The following KCND3 variants were observed in gnomAD, a reference collection of about 807,000 sequenced individuals.
KCND3 encodes potassium voltage-gated channel subfamily D member 3.
In KCND3, 9 loss-of-function variants were observed where a neutral mutation model predicts 51.1. That is an observed-to-expected ratio of 0.18 (90% confidence interval 0.11 to 0.31). The LOEUF is 0.31. Among genes scored for constraint, KCND3 ranks in the 10% least tolerant of loss-of-function variants. The pLI, the probability that KCND3 is intolerant of heterozygous loss-of-function variation, is 1.00. For synonymous variants in KCND3, 349 were observed against 368.0 expected, an observed-to-expected ratio of 0.95 and a Z score of 0.59; for missense variants, 526 against 903.8, an observed-to-expected ratio of 0.58 and a Z score of 5.36.
intron 2 of KCND3, among the ~76,000 whole-genome samples, chr1:111,959,880 T>C (rs72977012): frequency 0.019 from 2,820 of 152,144 alleles, 80 homozygotes; most frequent in African/African-American, 0.064. Flanking sequence ...CCATATGTTG[T>C]GAGAGCGACC....
At chr1:111,906,294 G>A (rs553733079) in intron 2 of KCND3, among the ~76,000 whole-genome samples, 13 of 152,218 alleles carry the variant, frequency 8.5e-5, no homozygotes, top group East Asian at 5.8e-4. Context: ...CTATGAACAC[G>A]CCCGAACATC....
intron 2 of KCND3, among the ~76,000 whole-genome samples, chr1:111,897,944 C>T (rs1352618030): frequency 6.6e-6 from 1 of 152,210 alleles, no homozygotes; most frequent in Non-Finnish European, 1.5e-5. Flanking sequence ...CGGTTTCTTA[C>T]CTCCAAGTAC....
intron 2 of KCND3, among the ~76,000 whole-genome samples, chr1:111,852,763 G>A (rs985078292): frequency 7.2e-5 from 11 of 152,200 alleles, no homozygotes; most frequent in African/African-American, 2.4e-4. Flanking sequence ...TCAATCCAGT[G>A]TAATTACAAT....
intron 2 of KCND3, among the ~76,000 whole-genome samples, chr1:111,837,951 G>A (rs1289191647): frequency 6.6e-6 from 1 of 152,076 alleles, no homozygotes; most frequent in Non-Finnish European, 1.5e-5. Context: ...GTTTTGGGGG[G>A]AGACCACAGA....
At chr1:111,873,398 G>GA (rs1160093373) in intron 2 of KCND3, among the ~76,000 whole-genome samples, 1 of 152,198 alleles carries the variant, frequency 6.6e-6, no homozygotes, top group Non-Finnish European at 1.5e-5. Context: ...ATGTGGTATG[G>GA]AGGCACCTGT....
At chr1:111,943,283 C>A (rs1329675566) in intron 2 of KCND3, among the ~76,000 whole-genome samples, 1 of 152,202 alleles carries the variant, frequency 6.6e-6, no homozygotes, top group African/African-American at 2.4e-5. Context: ...GGGGCCCTGG[C>A]CCCCACCTGT....
At chr1:111,869,904 A>AAC (rs35756898) in intron 2 of KCND3, among the ~76,000 whole-genome samples, 108,364 of 151,082 alleles carry the variant, frequency 0.72, 40,008 homozygotes, top group Middle Eastern at 0.86. Flanking sequence ...CAAAAGAATG[A>AAC]ACACACACAC....
intron 2 of KCND3, among the ~76,000 whole-genome samples, chr1:111,832,682 CG>C (rs200832520): frequency 1.5e-3 from 228 of 152,226 alleles, no homozygotes; most frequent in African/African-American, 5.2e-3. Flanking sequence ...TGTGTGTCCC[CG>C]CTCCCCACCC....
chr1:111,831,095 T>G (rs1286708381), intron 2 of KCND3, among the ~76,000 whole-genome samples: 1 of 152,238 alleles, frequency 6.6e-6, no homozygotes, highest in Admixed American at 6.5e-5. Flanking sequence ...CACACTTGCT[T>G]TCCTCTGACA....
rs556613723 is a variant in KCND3 at position 111,948,475 on chromosome 1, C to T, written c.1106+33146G>A. On this transcript the variant is annotated intron_variant, in intron 2 of 7. Transcript: ENST00000302127. ...GCCCACACTTAAGGATAGAATTTAT[C>T]TCTTCCCTTCCCCACAGCATAGGGC... 2.0e-4 allele frequency among the ~76,000 whole-genome samples: 31 copies of T among 152,346 alleles called. 1 individual carries two copies. The South Asian group carries it at 6.4e-3, about 32-fold the overall frequency.
chr1:111,819,951 C>G (rs1261085789), intron 2 of KCND3, among the ~76,000 whole-genome samples: 2 of 152,180 alleles, frequency 1.3e-5, no homozygotes, highest in Non-Finnish European at 2.9e-5. Flanking sequence ...CCTCCCTGCC[C>G]CGGAGGTTGC....
intron 2 of KCND3, among the ~76,000 whole-genome samples, chr1:111,829,999 G>T (rs1457185625): frequency 6.6e-6 from 1 of 152,108 alleles, no homozygotes; most frequent in African/African-American, 2.4e-5. Flanking sequence ...CTCTTCGGTG[G>T]CTATTGTTCC....
Position 111,940,019 on chromosome 1 carries a change from T to C in KCND3, c.1106+41602A>G, listed in dbSNP as rs569572170. Among the ~76,000 whole-genome samples the C allele has an allele frequency of 2.6e-5, 4 of 151,592 alleles. No individual in the cohort carries two copies. The South Asian group carries it at 6.2e-4, about 24-fold the overall frequency. On this transcript the variant is annotated intron_variant, in intron 2 of 7. Transcript: ENST00000302127. ...TTCTTTCATATGTTTGTTGGCCGAA[T>C]AAATATCTTCTTTTGAGAAGTGTCT...
At chr1:111,846,164 A>G (rs2101652387) in intron 2 of KCND3, among the ~76,000 whole-genome samples, 1 of 152,312 alleles carries the variant, frequency 6.6e-6, no homozygotes, top group East Asian at 1.9e-4. Context: ...ACTATTTATA[A>G]TTAAGCTTGG....
At chr1:111,984,953 C>T (rs892716347) in intron 1 of KCND3, among the ~76,000 whole-genome samples, 5 of 152,162 alleles carry the variant, frequency 3.3e-5, no homozygotes, top group African/African-American at 4.8e-5. Flanking sequence ...CCTATCACCC[C>T]GCAGCTAGGA....
chr1:111,865,698 A>T (rs1668527255), intron 2 of KCND3, among the ~76,000 whole-genome samples: 1 of 152,026 alleles, frequency 6.6e-6, no homozygotes, highest in African/African-American at 2.4e-5. Flanking sequence ...CCTTAAAGAC[A>T]TTTATGTTTT....
At chr1:111,972,483 A>G (rs1674397439) in intron 2 of KCND3, among the ~76,000 whole-genome samples, 1 of 152,140 alleles carries the variant, frequency 6.6e-6, no homozygotes, top group East Asian at 1.9e-4. Flanking sequence ...CTATTTGTAT[A>G]TCTTAAACAC....
At chr1:111,891,005 G>T (rs1669795586) in intron 2 of KCND3, among the ~76,000 whole-genome samples, 1 of 152,192 alleles carries the variant, frequency 6.6e-6, no homozygotes, top group Non-Finnish European at 1.5e-5. Context: ...GCGTGGCACT[G>T]ACAGGCTGCA....
At chr1:111,781,035 C>T (rs1425518193) in intron 3 of KCND3, among the ~76,000 whole-genome samples, 1 of 152,234 alleles carries the variant, frequency 6.6e-6, no homozygotes, top group Non-Finnish European at 1.5e-5. Flanking sequence ...AAATATCACT[C>T]ATCCAAGCTC....
Sources: allele counts gnomAD v4.1 joint callset (sites outside exome capture counted in the v4.1 genomes callset), GRCh38; gene constraint gnomAD v4.1.1; transcripts MANE v1.5; gene names NCBI Gene and HGNC (gene_info 2026-07-23, HGNC 2026-07-21).